STAM: variants seen among roughly 807,000 people sequenced by gnomAD.
STAM encodes signal transducing adapter molecule 1.
STAM carries 16 observed loss-of-function variants against 63.4 expected under a neutral mutation model. The observed-to-expected ratio is 0.25, with a 90% CI of 0.17 to 0.38. The LOEUF (loss-of-function observed/expected upper bound fraction) is 0.38, where lower values mean the gene tolerates loss of function less well. STAM is among the 10% of genes least tolerant of loss of function. STAM has a pLI of 1.00. For missense variants in STAM, 636 were observed against 657.1 expected (o/e 0.97, Z 0.35); for synonymous variants, 238 against 223.9 (o/e 1.06, Z -0.56).
At chr10:17,692,246 C>A (rs1167960648) in intron 5 of STAM, among the ~76,000 whole-genome samples, 1 of 152,152 alleles carries the variant, frequency 6.6e-6, no homozygotes, top group African/African-American at 2.4e-5. Flanking sequence ...CCACTCATAT[C>A]GCAGTACCTT....
intron 2 of STAM, among the ~76,000 whole-genome samples, chr10:17,666,695 C>G (rs1378095057): frequency 1.3e-5 from 2 of 152,094 alleles, no homozygotes; most frequent in Non-Finnish European, 2.9e-5. Context: ...CCCTGCCTGG[C>G]CTTTGGCTTT....
intron 1 of STAM, among the ~76,000 whole-genome samples, chr10:17,659,307 A>T (rs782740972): frequency 6.6e-6 from 1 of 152,052 alleles, no homozygotes; most frequent in Non-Finnish European, 1.5e-5. Context: ...AGCATACATA[A>T]GAATATCAGA....
At chr10:17,669,376 ATGT>A (rs1192548103) in intron 2 of STAM, among the ~76,000 whole-genome samples, 3 of 148,072 alleles carry the variant, frequency 2.0e-5, no homozygotes, top group Non-Finnish European at 4.5e-5. Context: ...TTTTCCGGAA[ATGT>A]TGTTTTAGAT....
rs1015315208 is a variant in STAM at position 17,695,077 on chromosome 10, G to A, written c.564G>A (p.Arg188=). The A allele has an allele frequency of 2.3e-5, 37 of 1,613,722 alleles. No individual in the cohort carries two copies. The highest frequency in any genetic ancestry group is 3.1e-5 in the Non-Finnish European group (37 of 1,179,872). The change falls in exon 7 of 14, where the codon AGG becomes AGA. Residue 188 remains arginine (R), a synonymous_variant. Transcript: ENST00000377524. ...KAIELSLKEQ[R]QQSTTLSTLY... is the part of the protein sequence containing the mutation. Reference sequence around the variant, plus strand: ...TTGAGTTGTCTCTCAAGGAACAAAGGCAGCAGTCAACCACCCTTTCCACTT... The same window carrying A: ...TTGAGTTGTCTCTCAAGGAACAAAGACAGCAGTCAACCACCCTTTCCACTT...
At chr10:17,651,997 G>T (rs782607180) in intron 1 of STAM, among the ~76,000 whole-genome samples, 6 of 152,128 alleles carry the variant, frequency 3.9e-5, no homozygotes, top group Non-Finnish European at 8.8e-5. Context: ...ATTCAAATGA[G>T]GCTCTGTGTA....
At position 17,716,659 on chromosome 10, in the gene STAM, T is replaced by C. The variant is rs1454047599; in HGVS notation, c.*1879T>C. Among the ~76,000 whole-genome samples the C allele has an allele frequency of 6.6e-6, 1 of 152,210 alleles. No homozygotes were observed. The highest frequency in any genetic ancestry group is 2.4e-5 in the African/African-American group (1 of 41,458). On this transcript the variant is annotated 3_prime_UTR_variant, in exon 14 of 14. Coordinates refer to ENST00000377524, the MANE Select transcript of STAM (RefSeq NM_003473.4). ...TCATTTTCCCATTTTAATTTTGATA[T>C]CTTTCATGCTGAAAATCAATGACAT...
chr10:17,695,368 C>G, intron 7 of STAM, 127 bp downstream of exon 7: 1 of 831,292 alleles, frequency 1.2e-6, no homozygotes, highest in Non-Finnish European at 1.8e-6. Context: ...CTCTGTATGA[C>G]AGTTGGCTGA....
rs57797707 is a variant in STAM, at chr10:17,715,968, T to G, written c.*1188T>G. On this transcript the variant is annotated 3_prime_UTR_variant, in exon 14 of 14. Transcript: ENST00000377524. ...AGGTATTGTTTTCTTTCACACTGGA[T>G]TTTTGGGTTGCTCTTTCTGGCCTTT... 6.3e-3 allele frequency: 966 copies of G among 152,690 alleles called. 12 individuals carry two copies. The highest frequency in any genetic ancestry group is 0.022 in the African/African-American group (926 of 41,572). The allele number at this position is 152,690 out of a possible 1,614,324, so 9.5% of individuals were successfully genotyped here.
At chr10:17,706,225 G>A (rs1836262535) in intron 12 of STAM, among the ~76,000 whole-genome samples, 1 of 148,718 alleles carries the variant, frequency 6.7e-6, no homozygotes, top group African/African-American at 2.5e-5. Context: ...TATGCTAATA[G>A]TTTTTTGTTG....
At chr10:17,671,932 T>C (rs1485880844) in intron 2 of STAM, among the ~76,000 whole-genome samples, 4 of 152,212 alleles carry the variant, frequency 2.6e-5, no homozygotes, top group Non-Finnish European at 5.9e-5. Flanking sequence ...AAATTTACTG[T>C]CTTTTCAATG....
chr10:17,646,948 C>T (rs1833543323), intron 1 of STAM, among the ~76,000 whole-genome samples: 1 of 152,200 alleles, frequency 6.6e-6, no homozygotes, highest in South Asian at 2.1e-4. Flanking sequence ...TGTCTTCAGT[C>T]TTAATCTGAG....
chr10:17,700,624 T>G (rs1353291622), intron 9 of STAM, among the ~76,000 whole-genome samples: 4 of 152,102 alleles, frequency 2.6e-5, no homozygotes, highest in Non-Finnish European at 1.5e-5. Context: ...TTGTGTTTCT[T>G]TAGGGTAGAT....
chr10:17,702,517 C>G (rs1554828605), intron 9 of STAM, among the ~76,000 whole-genome samples: 1 of 152,134 alleles, frequency 6.6e-6, no homozygotes, highest in African/African-American at 2.4e-5. Context: ...TCCTGGGAAT[C>G]TTATCCTTTG....
chr10:17,675,208 A>G (rs782133035), intron 2 of STAM, among the ~76,000 whole-genome samples: 2 of 152,232 alleles, frequency 1.3e-5, no homozygotes, highest in Non-Finnish European at 2.9e-5. Context: ...CTAATTAAAG[A>G]TAATAGCATT....
chr10:17,715,297 G>A lies in STAM; in HGVS notation c.*517G>A, dbSNP rs1061162. 15,069 of 162,152 alleles carry A rather than the reference G, an allele frequency of 0.093. 772 individuals carry two copies. The highest frequency in any genetic ancestry group is 0.15 in the Middle Eastern group (44 of 296). The allele number at this position is 162,152 out of a possible 1,614,324, so 10.0% of individuals were successfully genotyped here. ...TCCTTTTAAACTTCAAGAAAACAAAGTTGTTAGCGTATTTACATGAAGGCG... is the reference window on the plus strand; with the variant it reads ...TCCTTTTAAACTTCAAGAAAACAAAATTGTTAGCGTATTTACATGAAGGCG... On this transcript the variant is annotated 3_prime_UTR_variant, in exon 14 of 14. Coordinates refer to ENST00000377524, the MANE Select transcript of STAM (RefSeq NM_003473.4).
chr10:17,694,887 A>G (rs774549663), intron 6 of STAM, 162 bp from the exon 7 acceptor site: 33 of 580,706 alleles, frequency 5.7e-5, no homozygotes, highest in Non-Finnish European at 6.3e-5. Flanking sequence ...GAATGAATGA[A>G]TAAACTGACA....
chr10:17,700,447 C>T (rs567923810), intron 9 of STAM, among the ~76,000 whole-genome samples, 168 bp downstream of exon 9: 9 of 152,214 alleles, frequency 5.9e-5, no homozygotes, highest in African/African-American at 2.2e-4. Flanking sequence ...GAAACTTCCT[C>T]TCCAGTCCTT....
chr10:17,701,532 G>C (rs1380300248), intron 9 of STAM, among the ~76,000 whole-genome samples: 1 of 152,162 alleles, frequency 6.6e-6, no homozygotes, highest in African/African-American at 2.4e-5. Flanking sequence ...TGGAAGAATT[G>C]AGTAGTAGCA....
intron 9 of STAM, among the ~76,000 whole-genome samples, chr10:17,703,890 A>G (rs1836133276): frequency 6.6e-6 from 1 of 152,238 alleles, no homozygotes; most frequent in Non-Finnish European, 1.5e-5. Flanking sequence ...ACCATGGGCA[A>G]GTAGGAATGA....
Sources: allele counts gnomAD v4.1 joint callset (sites outside exome capture counted in the v4.1 genomes callset), GRCh38; gene constraint gnomAD v4.1.1; transcripts MANE v1.5; gene names NCBI Gene and HGNC (gene_info 2026-07-23, HGNC 2026-07-21).